The following SGIP1 variants were observed in gnomAD, a reference collection of about 807,000 sequenced individuals.
SGIP1 encodes the protein SH3GL interacting endocytic adaptor 1.
In SGIP1, 38 loss-of-function variants were observed where a neutral mutation model predicts 107.5. The ratio of observed to expected loss-of-function variants is 0.35; its 90% CI spans 0.27 to 0.46. The LOEUF is 0.46. SGIP1 is among the 20% of genes least tolerant of loss of function. The pLI is 1.00. For missense variants in SGIP1, 929 were observed against 1,019.5 expected (o/e 0.91, Z 1.21); for synonymous variants, 365 against 366.1 (o/e 1.00, Z 0.03).
At chr1:66,584,551 G>T in intron 1 of SGIP1, among the ~76,000 whole-genome samples, 1 of 149,006 alleles carries the variant, frequency 6.7e-6, no homozygotes, top group East Asian at 1.9e-4. Context: ...TCACAAGTTG[G>T]GTTTTTTCTT....
intron 19 of SGIP1, among the ~76,000 whole-genome samples, chr1:66,722,449 C>T (rs1170177362): frequency 4.6e-5 from 7 of 152,124 alleles, no homozygotes; most frequent in Non-Finnish European, 7.3e-5. Context: ...ACCATGAGAG[C>T]TGGATTTTGC....
chr1:66,684,990 T>C (rs1450803295), intron 15 of SGIP1, among the ~76,000 whole-genome samples: 1 of 152,214 alleles, frequency 6.6e-6, no homozygotes, highest in African/African-American at 2.4e-5. Flanking sequence ...TAAATAAAAC[T>C]CTGCAGTATT....
chr1:66,539,457 A>T (rs929060763), intron 1 of SGIP1, among the ~76,000 whole-genome samples: 1 of 152,172 alleles, frequency 6.6e-6, no homozygotes, highest in East Asian at 1.9e-4. Context: ...CATCTGCAGG[A>T]TATTAGAAAG....
chr1:66,648,605 G>T (rs1031032641), intron 7 of SGIP1, among the ~76,000 whole-genome samples: 2 of 152,132 alleles, frequency 1.3e-5, no homozygotes, highest in Non-Finnish European at 2.9e-5. Context: ...GAGACCTGGG[G>T]TGTCTATGGC....
chr1:66,649,814 A>G (rs1452111451), intron 7 of SGIP1, among the ~76,000 whole-genome samples: 1 of 152,198 alleles, frequency 6.6e-6, no homozygotes, highest in African/African-American at 2.4e-5. Context: ...TCCCTTTAAG[A>G]TAATTTGAGG....
At chr1:66,618,917 C>T (rs72918451) in intron 1 of SGIP1, among the ~76,000 whole-genome samples, 5,367 of 152,266 alleles carry the variant, frequency 0.035, 332 homozygotes, top group African/African-American at 0.12. Context: ...AAACCCAGAT[C>T]TTTGGATTCT....
chr1:66,740,322 A>G (rs999478366), intron 22 of SGIP1, among the ~76,000 whole-genome samples: 2 of 151,436 alleles, frequency 1.3e-5, no homozygotes, highest in African/African-American at 2.4e-5. Flanking sequence ...AATGTCAGCC[A>G]GATCATGACC....
intron 1 of SGIP1, among the ~76,000 whole-genome samples, chr1:66,577,725 A>G (rs2061264598): frequency 6.6e-6 from 1 of 151,426 alleles, no homozygotes. Context: ...TACACTAATT[A>G]TCAGTTTAGA....
At chr1:66,694,360 A>G in intron 17 of SGIP1, 1 of 1,258,782 alleles carries the variant, frequency 7.9e-7, no homozygotes, top group Non-Finnish European at 1.1e-6. Context: ...TTCAATCAGT[A>G]AAGTGGGCTT....
chr1:66,534,437 G>A, intron 1 of SGIP1, 69 bp downstream of exon 1: 3 of 1,563,170 alleles, frequency 1.9e-6, no homozygotes, highest in Non-Finnish European at 2.6e-6. Context: ...TAAAGAATAT[G>A]TGCAGCCAGT....
At chr1:66,713,654 C>G (rs1295823055) in intron 18 of SGIP1, among the ~76,000 whole-genome samples, 1 of 151,914 alleles carries the variant, frequency 6.6e-6, no homozygotes, top group African/African-American at 2.4e-5. Flanking sequence ...ATACAATAAA[C>G]TCCATAGGGG....
At position 66,673,287 on chromosome 1, in the gene SGIP1, G is replaced by A. The variant is rs1256758297; in HGVS notation, c.567G>A (p.Lys189=). 7.4e-6 allele frequency: 12 copies of A among 1,613,818 alleles called. No homozygotes were observed. Among genetic ancestry groups the A allele is most frequent in the African/African-American group, 1.3e-5 (1 of 74,882 alleles). The change falls in exon 12 of 25, where the codon AAG becomes AAA. Residue 189 remains lysine, a synonymous_variant. Transcript: ENST00000371037. ...STPTPELISK[K]PPDDTTALAP... Reference sequence around the variant, plus strand: ...CTTAATGTGTGTGATTTAGCAAAAAGCCTCCAGATGACACTACGGCCCTTG... The same window carrying A: ...CTTAATGTGTGTGATTTAGCAAAAAACCTCCAGATGACACTACGGCCCTTG...
At chr1:66,575,282 G>A (rs2060908050) in intron 1 of SGIP1, among the ~76,000 whole-genome samples, 1 of 152,170 alleles carries the variant, frequency 6.6e-6, no homozygotes, top group Non-Finnish European at 1.5e-5. Context: ...GACTGCCAGT[G>A]ATAGAACAAA....
intron 15 of SGIP1, among the ~76,000 whole-genome samples, chr1:66,683,926 A>G (rs1295516380): frequency 6.6e-6 from 1 of 151,886 alleles, no homozygotes; most frequent in Non-Finnish European, 1.5e-5. Context: ...CATATTGGCT[A>G]GGCTGGTCTC....
chr1:66,672,367 AT>A (rs2149849133), intron 11 of SGIP1, among the ~76,000 whole-genome samples: 1 of 152,296 alleles, frequency 6.6e-6, no homozygotes, highest in East Asian at 1.9e-4. Context: ...CTCATGATAC[AT>A]TCCACCTGCC....
chr1:66,573,227 C>A (rs1377421821), intron 1 of SGIP1, among the ~76,000 whole-genome samples: 1 of 151,968 alleles, frequency 6.6e-6, no homozygotes, highest in Non-Finnish European at 1.5e-5. Flanking sequence ...GCTGGTTTAT[C>A]AGTCAGAATG....
chr1:66,711,765 A>G (rs115766902), intron 18 of SGIP1, among the ~76,000 whole-genome samples: 3,028 of 152,182 alleles, frequency 0.02, 98 homozygotes, highest in African/African-American at 0.069. Flanking sequence ...AACAAATCAG[A>G]CCACTCTCTC....
At chr1:66,690,863 A>T (rs1254808935) in intron 17 of SGIP1, among the ~76,000 whole-genome samples, 1 of 152,138 alleles carries the variant, frequency 6.6e-6, no homozygotes, top group Non-Finnish European at 1.5e-5. Context: ...GTTTTCCCAG[A>T]GAAATAAGCC....
intron 1 of SGIP1, among the ~76,000 whole-genome samples, chr1:66,594,481 C>A (rs1344286902): frequency 6.6e-6 from 1 of 152,072 alleles, no homozygotes. Flanking sequence ...CACAACTAAG[C>A]AAAGTGGCTT....
Sources: gnomAD v4.1 joint callset for allele counts (sites outside exome capture counted in the v4.1 genomes callset) on GRCh38, gnomAD v4.1.1 for gene constraint, MANE v1.5 for transcripts, NCBI Gene and HGNC (gene_info 2026-07-23, HGNC 2026-07-21) for gene names.